The following TRDN variants were observed in gnomAD, a reference collection of about 807,000 sequenced individuals.
TRDN encodes the protein triadin in skeletal muscle.
A neutral mutation model predicts 149.7 loss-of-function variants in TRDN; 161 were observed. That is an observed-to-expected ratio of 1.08 (90% CI 0.95 to 1.23). The LOEUF is 1.23. Ranked by LOEUF, TRDN falls within the 50% of genes most tolerant of loss-of-function variation. The probability of loss-of-function intolerance (pLI) is 0.00; values close to 1 mark genes in which losing one functional copy is unlikely to be tolerated. For synonymous variants in TRDN, 294 were observed against 250.5 expected (o/e 1.17, Z -1.64); for missense variants, 896 against 823.5 (o/e 1.09, Z -1.08).
intron 12 of TRDN, among the ~76,000 whole-genome samples, chr6:123,428,699 G>A (rs1302214252): frequency 1.3e-5 from 2 of 152,164 alleles, no homozygotes; most frequent in East Asian, 1.9e-4. Flanking sequence ...TACATAGGTC[G>A]GTGGTGTCCC....
intron 1 of TRDN, among the ~76,000 whole-genome samples, chr6:123,626,456 A>G (rs1168228318): frequency 2.0e-5 from 3 of 152,060 alleles, no homozygotes; most frequent in African/African-American, 7.2e-5. Context: ...ATGCCGAACT[A>G]GACACTGGCT....
chr6:123,631,372 T>C (rs1025008633), intron 1 of TRDN, among the ~76,000 whole-genome samples: 2 of 152,036 alleles, frequency 1.3e-5, no homozygotes, highest in Non-Finnish European at 1.5e-5. Context: ...TCTCAGGTTT[T>C]CCCATGACCT....
At chr6:123,325,204 G>T (rs1305158509) in intron 23 of TRDN, among the ~76,000 whole-genome samples, 1 of 151,976 alleles carries the variant, frequency 6.6e-6, no homozygotes, top group Non-Finnish European at 1.5e-5. Flanking sequence ...ATACTAAGTA[G>T]CTAATTCAGC....
intron 27 of TRDN, among the ~76,000 whole-genome samples, chr6:123,273,777 T>C (rs1033666155): frequency 1.3e-5 from 2 of 152,044 alleles, no homozygotes; most frequent in Non-Finnish European, 2.9e-5. Flanking sequence ...TTTGTTGATA[T>C]TGAAGAATCT....
At chr6:123,553,801 T>A (rs528660759) in intron 2 of TRDN, among the ~76,000 whole-genome samples, 25 of 152,218 alleles carry the variant, frequency 1.6e-4, no homozygotes, top group African/African-American at 4.3e-4. Context: ...CGAGAAACTG[T>A]CCCCATTGAT....
In TRDN at chr6:123,519,884, G is replaced by T. The variant is rs537757590; in HGVS notation, c.485-3678C>A. ...TCACATTTCTTGTGCTTTTTTGTTAGGTATTAGTGCTAAAATACTCTATAG... is the reference window on the plus strand; with the variant it reads ...TCACATTTCTTGTGCTTTTTTGTTATGTATTAGTGCTAAAATACTCTATAG... On this transcript the variant is annotated intron_variant, in intron 5 of 40. Transcript: ENST00000334268. Among the ~76,000 whole-genome samples, 34 of 151,876 alleles carry T rather than the reference G, an allele frequency of 2.2e-4. No individual in the cohort carries two copies. In the East Asian group the frequency reaches 6.2e-3, roughly 28 times the overall value.
chr6:123,524,303 A>G (rs1346395577), intron 5 of TRDN, among the ~76,000 whole-genome samples: 1 of 152,160 alleles, frequency 6.6e-6, no homozygotes, highest in East Asian at 1.9e-4. Context: ...TTACCTGTGT[A>G]AAGTCAGGTG....
At chr6:123,467,566 C>T (rs921244787) in intron 9 of TRDN, among the ~76,000 whole-genome samples, 11 of 152,126 alleles carry the variant, frequency 7.2e-5, no homozygotes, top group Non-Finnish European at 1.3e-4. Flanking sequence ...AGCCAGCTGG[C>T]TGCCTGTCTC....
intron 21 of TRDN, chr6:123,351,073 T>C: frequency 1.0e-6 from 1 of 985,026 alleles, no homozygotes; most frequent in South Asian, 4.7e-5. Context: ...CTTCTTTTGA[T>C]ATACTGTGGC....
At chr6:123,417,410 T>C (rs1331281545) in intron 12 of TRDN, among the ~76,000 whole-genome samples, 1 of 152,148 alleles carries the variant, frequency 6.6e-6, no homozygotes, top group Non-Finnish European at 1.5e-5. Flanking sequence ...GTTCCAGGGA[T>C]ACAAATTATT....
chr6:123,370,583 A>G (rs938495658), intron 19 of TRDN, among the ~76,000 whole-genome samples: 34 of 152,138 alleles, frequency 2.2e-4, no homozygotes, highest in African/African-American at 8.2e-4. Flanking sequence ...CACATGTGCA[A>G]TAATTTTCAT....
intron 6 of TRDN, among the ~76,000 whole-genome samples, chr6:123,513,235 A>G (rs1293172186): frequency 6.6e-6 from 1 of 152,168 alleles, no homozygotes; most frequent in East Asian, 1.9e-4. Context: ...TAACAAAAGG[A>G]GCATTATGCT....
At chr6:123,343,515 G>A (rs1217527345) in intron 21 of TRDN, among the ~76,000 whole-genome samples, 3 of 151,692 alleles carry the variant, frequency 2.0e-5, no homozygotes, top group Admixed American at 6.6e-5. Flanking sequence ...AATGTTAACT[G>A]AATAATTATT....
chr6:123,580,482 A>G (rs1248429643), intron 1 of TRDN, among the ~76,000 whole-genome samples: 1 of 152,156 alleles, frequency 6.6e-6, no homozygotes, highest in Non-Finnish European at 1.5e-5. Flanking sequence ...AGATTAACTC[A>G]CCTGCATATT....
chr6:123,301,939 C>T (rs117924450), intron 24 of TRDN, among the ~76,000 whole-genome samples: 14 of 149,498 alleles, frequency 9.4e-5, no homozygotes, highest in Admixed American at 1.4e-4. Context: ...AGATATTAAC[C>T]GTTTAATGAT....
intron 7 of TRDN, among the ~76,000 whole-genome samples, chr6:123,504,783 G>C (rs1164233426): frequency 6.6e-6 from 1 of 152,192 alleles, no homozygotes; most frequent in East Asian, 1.9e-4. Context: ...TAATAATGTA[G>C]CACATAATTT....
intron 38 of TRDN, among the ~76,000 whole-genome samples, chr6:123,244,835 C>A (rs922825133): frequency 1.3e-4 from 20 of 152,104 alleles, no homozygotes; most frequent in African/African-American, 4.6e-4. Flanking sequence ...ATGTTAAGGG[C>A]AGCTAGAGAG....
chr6:123,297,723 G>A (rs1032227082), intron 24 of TRDN, among the ~76,000 whole-genome samples: 2 of 151,922 alleles, frequency 1.3e-5, no homozygotes, highest in Admixed American at 6.6e-5. Context: ...TGCAAAGGGC[G>A]CATCCATTCC....
At chr6:123,621,449 A>C (rs1785378225) in intron 1 of TRDN, among the ~76,000 whole-genome samples, 1 of 152,184 alleles carries the variant, frequency 6.6e-6, no homozygotes, top group Non-Finnish European at 1.5e-5. Flanking sequence ...TGAAATAAAC[A>C]TACATTGATA....
Sources: gnomAD v4.1 joint callset for allele counts (sites outside exome capture counted in the v4.1 genomes callset) on GRCh38, gnomAD v4.1.1 for gene constraint, MANE v1.5 for transcripts, NCBI Gene and HGNC (gene_info 2026-07-23, HGNC 2026-07-21) for gene names.